Variants in LPAR1 observed in about 807,000 individuals in gnomAD.
LPAR1 encodes the protein lysophosphatidic acid receptor 1.
LPAR1 carries 5 observed loss-of-function variants against 23.8 expected under a neutral mutation model. The ratio of observed to expected loss-of-function variants is 0.21; its 90% CI spans 0.11 to 0.44. The LOEUF (loss-of-function observed/expected upper bound fraction) is 0.44. Ranked by LOEUF, LPAR1 falls within the 20% of genes least tolerant of loss-of-function variation. The pLI, the probability that LPAR1 is intolerant of heterozygous loss-of-function variation, is 0.99. For missense variants in LPAR1, 311 were observed against 482.8 expected (o/e 0.64, Z 3.33); for synonymous variants, 160 against 164.7 (o/e 0.97, Z 0.22).
intron 2 of LPAR1, among the ~76,000 whole-genome samples, chr9:110,974,060 G>A (rs1420186864): frequency 1.3e-5 from 2 of 152,022 alleles, no homozygotes; most frequent in East Asian, 3.9e-4. Context: ...TCAGGAGGCT[G>A]AGGCAGGAGA....
intron 5 of LPAR1, among the ~76,000 whole-genome samples, chr9:110,901,833 T>C (rs552797155): frequency 6.6e-6 from 1 of 152,278 alleles, no homozygotes; most frequent in African/African-American, 2.4e-5. Context: ...GAGAACTTTC[T>C]ACTGAAACAA....
intron 4 of LPAR1, among the ~76,000 whole-genome samples, chr9:110,971,235 G>A (rs944979744): frequency 3.1e-4 from 47 of 152,246 alleles, no homozygotes; most frequent in African/African-American, 1.1e-3. Context: ...GAGTAAATGG[G>A]AAACTACACT....
At chr9:110,877,878 C>T (rs143179811) in intron 5 of LPAR1, among the ~76,000 whole-genome samples, 99 of 152,258 alleles carry the variant, frequency 6.5e-4, no homozygotes, top group Non-Finnish European at 1.2e-3. Flanking sequence ...TGACTTTGCT[C>T]AAAAGTGAGA....
At chr9:111,028,730 C>T (rs2097745955) in intron 2 of LPAR1, among the ~76,000 whole-genome samples, 1 of 151,864 alleles carries the variant, frequency 6.6e-6, no homozygotes, top group African/African-American at 2.4e-5. Context: ...TATGACAAAC[C>T]TTTACGAGTT....
intron 5 of LPAR1, among the ~76,000 whole-genome samples, chr9:110,881,440 C>T (rs568121248): frequency 6.6e-6 from 1 of 152,246 alleles, no homozygotes; most frequent in Admixed American, 6.5e-5. Flanking sequence ...CTCCTGATCA[C>T]CACAATGCTA....
chr9:111,036,181 G>A lies in LPAR1; in HGVS notation c.-241C>T, dbSNP rs1009663642. 23 of 152,188 alleles carry A rather than the reference G, an allele frequency of 1.5e-4. No individual in the cohort carries two copies. The highest frequency in any genetic ancestry group is 5.6e-4 in the African/African-American group (23 of 41,440). 9.4% of individuals were successfully genotyped at this position (152,188 alleles called of 1,614,324 possible). ...CTGAAATCCATGCTGAGTGCCCACAGACCTGGGCAGGAGCTGTTCCCTTGA... is the reference window on the plus strand; with the variant it reads ...CTGAAATCCATGCTGAGTGCCCACAAACCTGGGCAGGAGCTGTTCCCTTGA... On this transcript the variant is annotated 5_prime_UTR_variant, in exon 2 of 6. Coordinates refer to ENST00000683809, the MANE Select transcript of LPAR1 (RefSeq NM_001351411.2).
chr9:110,973,805 G>A lies in LPAR1; in HGVS notation c.-181-247C>T, dbSNP rs1282764141. On this transcript the variant is annotated intron_variant, in intron 2 of 5. Transcript: ENST00000683809. ...TTAAGAAAATAATTTTTAAAAATTC[G>A]TTTATTTTTAAGAAACATTTTCATT... Among the ~76,000 whole-genome samples, 8 of 152,010 alleles carry A rather than the reference G, an allele frequency of 5.3e-5. 1 individual carries two copies. The South Asian group carries it at 8.3e-4, about 16-fold the overall frequency.
chr9:110,965,427 A>G (rs1420641087), intron 4 of LPAR1, among the ~76,000 whole-genome samples: 2 of 152,196 alleles, frequency 1.3e-5, no homozygotes, highest in East Asian at 3.9e-4. Flanking sequence ...AACAAATTTA[A>G]GAGAAAAAAC....
intron 1 of LPAR1, among the ~76,000 whole-genome samples, chr9:111,037,378 C>T (rs1204922450): frequency 6.6e-6 from 1 of 152,204 alleles, no homozygotes; most frequent in African/African-American, 2.4e-5. Context: ...CAACCTCAGG[C>T]CCCAGACAGC....
At chr9:110,958,113 T>C (rs772735239) in intron 4 of LPAR1, among the ~76,000 whole-genome samples, 8 of 152,324 alleles carry the variant, frequency 5.3e-5, no homozygotes, top group African/African-American at 1.7e-4. Flanking sequence ...CCTATGCTTA[T>C]AGATCGAACG....
chr9:110,978,316 G>A (rs536848986), intron 2 of LPAR1, among the ~76,000 whole-genome samples: 3 of 152,228 alleles, frequency 2.0e-5, no homozygotes, highest in Non-Finnish European at 4.4e-5. Context: ...TAAAATTAGT[G>A]ATGCAAAAGA....
At chr9:110,998,022 G>A (rs1024440507) in intron 2 of LPAR1, among the ~76,000 whole-genome samples, 7 of 152,298 alleles carry the variant, frequency 4.6e-5, no homozygotes, top group Non-Finnish European at 1.0e-4. Context: ...AAACACAGAT[G>A]TATGAGCCCC....
Position 110,892,749 on chromosome 9 carries a change from AGGGAGGAAG to A in LPAR1, c.794-17036_794-17028del, listed in dbSNP as rs200299800. 5.7e-4 allele frequency among the ~76,000 whole-genome samples: 78 copies of A among 136,638 alleles called. 2 individuals are homozygous for A. Among genetic ancestry groups the A allele is most frequent in the Non-Finnish European group, 8.7e-4 (56 of 64,170 alleles). The allele number at this position is 136,638 out of a possible 152,430, so 89.6% of individuals were successfully genotyped here. ...GGAAAGGGAAAGGGAAGGAAGAGGG[AGGGAGGAAG>A]GGGAGGAAGGGAAGGAAGGAAGGAA... On this transcript the variant is annotated intron_variant, in intron 5 of 5. Transcript: ENST00000683809.
At chr9:110,879,820 G>A (rs1281313773) in intron 5 of LPAR1, among the ~76,000 whole-genome samples, 2 of 152,240 alleles carry the variant, frequency 1.3e-5, no homozygotes, top group East Asian at 1.9e-4. Context: ...GACTGGAGAA[G>A]TATTTAGGAG....
intron 2 of LPAR1, among the ~76,000 whole-genome samples, chr9:111,028,632 T>A (rs915646373): frequency 6.6e-6 from 1 of 151,794 alleles, no homozygotes. Context: ...TTTTTTTTTT[T>A]ACCAAGTAAA....
At chr9:111,027,930 G>GAATGACTA (rs2097725682) in intron 2 of LPAR1, among the ~76,000 whole-genome samples, 1 of 143,352 alleles carries the variant, frequency 7.0e-6, no homozygotes, top group Admixed American at 6.9e-5. Flanking sequence ...CGGAGAAAGG[G>GAATGACTA]AATGACTAAA....
chr9:110,988,775 A>G (rs1215586679), intron 2 of LPAR1, among the ~76,000 whole-genome samples: 1 of 152,086 alleles, frequency 6.6e-6, no homozygotes, highest in African/African-American at 2.4e-5. Flanking sequence ...CAGCAATTCC[A>G]CTCCTAAGTA....
At chr9:111,003,317 C>T (rs1376801057) in intron 2 of LPAR1, among the ~76,000 whole-genome samples, 1 of 152,032 alleles carries the variant, frequency 6.6e-6, no homozygotes, top group African/African-American at 2.4e-5. Flanking sequence ...GTTTAGTAGG[C>T]AAGCCAGAAC....
chr9:110,908,989 G>C (rs915791867), intron 5 of LPAR1, among the ~76,000 whole-genome samples: 1 of 152,036 alleles, frequency 6.6e-6, no homozygotes, highest in Non-Finnish European at 1.5e-5. Flanking sequence ...CTTGGGAAAG[G>C]ACCTTCAGGC....
Sources: allele counts gnomAD v4.1 joint callset (sites outside exome capture counted in the v4.1 genomes callset), GRCh38; gene constraint gnomAD v4.1.1; transcripts MANE v1.5; gene names NCBI Gene and HGNC (gene_info 2026-07-23, HGNC 2026-07-21).